The following HDAC5 variants were observed in gnomAD, a reference collection of about 807,000 sequenced individuals.
HDAC5 encodes antigen NY-CO-9.
HDAC5 carries 25 observed loss-of-function variants against 133.3 expected under a neutral mutation model. The observed-to-expected ratio is 0.19, with a 90% CI of 0.14 to 0.26. HDAC5 has a LOEUF of 0.26. Among genes scored for constraint, HDAC5 ranks in the 10% least tolerant of loss-of-function variants. The pLI, the probability that HDAC5 is intolerant of heterozygous loss-of-function variation, is 1.00. For synonymous variants in HDAC5, 589 were observed against 610.8 expected (o/e 0.96, Z 0.53); for missense variants, 1,041 against 1,460.5 (o/e 0.71, Z 4.68).
Position 44,093,452 on chromosome 17 carries a change from GCTGCTGCTTGGCTGCCAGCATCTC to G in HDAC5, c.364_387del (p.Glu122_Gln129del), listed in dbSNP as rs1199245181. The G allele has an allele frequency of 1.2e-6, 2 of 1,605,686 alleles. No individual in the cohort carries two copies. On this transcript the variant is annotated inframe_deletion, in exon 5 of 27. Coordinates refer to ENST00000682912, the MANE Select transcript of HDAC5 (RefSeq NM_005474.5). ...TGCCGCTTGGCTGCCAGCATCTCCT[GCTGCTGCTTGGCTGCCAGCATCTC>G]CTGCTGCTGCTGCAGGGGCATGGGA...
intron 9 of HDAC5, 53 bp from the exon 10 acceptor site, chr17:44,091,884 A>G: frequency 6.6e-7 from 1 of 1,506,568 alleles, no homozygotes; most frequent in Admixed American, 2.3e-5. Flanking sequence ...GGGAGGCAAC[A>G]AGGGAGGGCA....
intron 3 of HDAC5, among the ~76,000 whole-genome samples, chr17:44,104,868 G>C (rs1393381754): frequency 2.6e-5 from 4 of 152,158 alleles, no homozygotes; most frequent in East Asian, 1.9e-4. Flanking sequence ...GGACATAGGA[G>C]GCCCTAAGCC....
At chr17:44,083,910 G>T (rs1047129399) in intron 16 of HDAC5, 56 bp from the exon 17 acceptor site, 13 of 1,449,290 alleles carry the variant, frequency 9.0e-6, no homozygotes, top group Non-Finnish European at 1.2e-5. Context: ...GATCACCTGA[G>T]GTCAGGAGTT....
In HDAC5 at chr17:44,117,525, G is replaced by A; in HGVS notation, c.-10C>T. On this transcript the variant is annotated 5_prime_UTR_variant, in exon 2 of 27. Transcript: ENST00000682912. This position sits in a 1 kb window ranked among gnomAD's most constrained non-coding sequence, Gnocchi z 4.2. ...CGTTGGGAGAGTTCATGCCGGCTCT[G>A]GGCCTGCAGGAAGCTGGCGTTGGGG... 6.2e-7 allele frequency: 1 copy of A among 1,613,894 alleles called. No individual in the cohort carries two copies. The highest frequency in any genetic ancestry group is 8.5e-7 in the Non-Finnish European group (1 of 1,180,018).
chr17:44,111,109 G>A, intron 2 of HDAC5: 1 of 455,494 alleles, frequency 2.2e-6, no homozygotes, highest in South Asian at 2.0e-5. Flanking sequence ...TGGTTCCTGG[G>A]AGCTGGGGTA....
At chr17:44,122,465 G>A (rs1164065668) in intron 1 of HDAC5, among the ~76,000 whole-genome samples, 1 of 151,922 alleles carries the variant, frequency 6.6e-6, no homozygotes, top group East Asian at 1.9e-4. Context: ...TCTAATCCCA[G>A]ATCCCAAAAG....
intron 3 of HDAC5, among the ~76,000 whole-genome samples, chr17:44,102,268 C>G (rs1383028013): frequency 6.6e-6 from 1 of 152,222 alleles, no homozygotes; most frequent in African/African-American, 2.4e-5. Context: ...AAAATCTGCA[C>G]AAAAGAAGCT....
At chr17:44,109,921 G>C (rs1201321630) in intron 3 of HDAC5, among the ~76,000 whole-genome samples, 3 of 152,252 alleles carry the variant, frequency 2.0e-5, no homozygotes, top group Non-Finnish European at 4.4e-5. Flanking sequence ...TGCCAGGAAG[G>C]CTTGATGCTG....
intron 11 of HDAC5, among the ~76,000 whole-genome samples, chr17:44,090,157 C>T (rs975778228): frequency 6.6e-5 from 10 of 151,324 alleles, no homozygotes; most frequent in African/African-American, 2.2e-4. Context: ...TGCTTGAACC[C>T]GGGAGGCAGA....
chr17:44,077,203 T>G lies in HDAC5; in HGVS notation c.*1173A>C, dbSNP rs1191210583. 1 of 152,704 alleles carries G rather than the reference T, an allele frequency of 6.5e-6. No homozygotes were observed. The highest frequency in any genetic ancestry group is 1.9e-4 in the East Asian group (1 of 5,196). 9.5% of individuals were successfully genotyped at this position (152,704 alleles called of 1,614,324 possible). ...CATCTTTGGTTTCCTACAGGCTGGA[T>G]GGCATCCCCTGGAAGCCTTGTAGGC... On this transcript the variant is annotated 3_prime_UTR_variant, in exon 27 of 27. Coordinates refer to ENST00000682912, the MANE Select transcript of HDAC5 (RefSeq NM_005474.5).
At position 44,088,553 on chromosome 17, in the gene HDAC5, G is replaced by A. The variant is rs768724806; in HGVS notation, c.1433C>T (p.Ala478Val). The A allele has an allele frequency of 3.1e-6, 5 of 1,613,590 alleles. No homozygotes were observed. In the South Asian group the frequency reaches 4.4e-5, roughly 14 times the overall value. ...CTTGCCTACCGTCCGCATGCTGGTG[G>A]CCACACGTTCACCCGTCACTAGTGG... ...QSPLVTGERV[A>V]TSMRTVGKLP... Residue 478 changes from alanine to valine, a missense_variant, in exon 12 of 27, where the codon GCC (alanine) becomes GTC (valine). Physicochemically the swap from Ala to Val is moderately conservative, Grantham distance 64. Coordinates refer to ENST00000682912, the MANE Select transcript of HDAC5 (RefSeq NM_005474.5).
At chr17:44,106,053 G>A (rs2051918133) in intron 3 of HDAC5, among the ~76,000 whole-genome samples, 1 of 152,208 alleles carries the variant, frequency 6.6e-6, no homozygotes, top group Non-Finnish European at 1.5e-5. Context: ...GAGAACCACT[G>A]CCTCACAGCG....
In HDAC5 at chr17:44,123,546, C is replaced by T; in HGVS notation, c.-232G>A. ...CCGGCTTCGCGGGCGGCGGCGGCAG[C>T]AGCGGCGGCGGCAGCGGCGGCAGCA... On this transcript the variant is annotated 5_prime_UTR_variant, in exon 1 of 27. Coordinates refer to ENST00000682912, the MANE Select transcript of HDAC5 (RefSeq NM_005474.5). 2.5e-6 allele frequency: 1 copy of T among 399,834 alleles called. No homozygotes were observed. The highest frequency in any genetic ancestry group is 4.4e-6 in the Non-Finnish European group (1 of 228,114). The allele number at this position is 399,834 out of a possible 1,614,324, so 24.8% of individuals were successfully genotyped here.
chr17:44,079,246 G>A lies in HDAC5; in HGVS notation c.2976C>T (p.Thr992=), dbSNP rs1293132392. 2 of 1,613,726 alleles carry A rather than the reference G, an allele frequency of 1.2e-6. No homozygotes were observed. The highest frequency in any genetic ancestry group is 1.3e-5 in the African/African-American group (1 of 75,028). ...CFGHLTRQLM[T]LAGGRVVLAL... Reference sequence around the variant, plus strand: ...CCAGCACCACCCGGCCCCCTGCCAGGGTCATCAGCTGCCTGGTCAAGTGGC... The same window carrying A: ...CCAGCACCACCCGGCCCCCTGCCAGAGTCATCAGCTGCCTGGTCAAGTGGC... Residue 992 remains threonine (T), a synonymous_variant, in exon 24 of 27, where the codon ACC becomes ACT. Transcript: ENST00000682912.
intron 20 of HDAC5, chr17:44,082,252 G>C (rs1032650489): frequency 1.1e-5 from 4 of 357,630 alleles, no homozygotes; most frequent in Admixed American, 8.7e-5. Context: ...CTAATTGTAG[G>C]GGGTGGGAGG....
At chr17:44,114,180 G>C (rs2052504886) in intron 2 of HDAC5, among the ~76,000 whole-genome samples, 1 of 152,250 alleles carries the variant, frequency 6.6e-6, no homozygotes, top group Admixed American at 6.5e-5. Flanking sequence ...ATAGAGCAGG[G>C]AAGAGGAGGG....
At position 44,087,846 on chromosome 17, in the gene HDAC5, G is replaced by A. The variant is rs905012223; in HGVS notation, c.1600-150C>T. On this transcript the variant is annotated intron_variant, in intron 12 of 26. Transcript: ENST00000682912. ...AAAGGTGAGGTAGCTCCTCTGAGAGGACTTTTTTTTTTTTTGAGACAGAGT... is the reference window on the plus strand; with the variant it reads ...AAAGGTGAGGTAGCTCCTCTGAGAGAACTTTTTTTTTTTTTGAGACAGAGT... The A allele has an allele frequency of 4.6e-5, 44 of 950,352 alleles. No homozygotes were observed. In the South Asian group the frequency reaches 5.7e-4, roughly 12 times the overall value. The allele number at this position is 950,352 out of a possible 1,614,324, so 58.9% of individuals were successfully genotyped here.
intron 3 of HDAC5, among the ~76,000 whole-genome samples, chr17:44,106,428 A>C (rs1323682010): frequency 6.6e-6 from 1 of 152,198 alleles, no homozygotes; most frequent in Non-Finnish European, 1.5e-5. Context: ...TGACAGGCCC[A>C]GCACTTAAGG....
At chr17:44,100,353 G>C (rs920532662) in intron 3 of HDAC5, among the ~76,000 whole-genome samples, 9 of 151,986 alleles carry the variant, frequency 5.9e-5, no homozygotes, top group African/African-American at 2.2e-4. Context: ...AGAAGCCCTG[G>C]GGGGAGGGAG....
Sources: allele counts gnomAD v4.1 joint callset (sites outside exome capture counted in the v4.1 genomes callset), GRCh38; gene constraint gnomAD v4.1.1; non-coding constraint Gnocchi (gnomAD v3.1); transcripts MANE v1.5; gene names NCBI Gene and HGNC (gene_info 2026-07-23, HGNC 2026-07-21).